MYO10: variants seen among roughly 807,000 people sequenced by gnomAD.
MYO10 encodes myosin X.
MYO10 carries 133 observed loss-of-function variants against 257.3 expected under a neutral mutation model. The ratio of observed to expected loss-of-function variants is 0.52; its 90% CI spans 0.45 to 0.60. MYO10 has a LOEUF of 0.60. Ranked by LOEUF, MYO10 falls within the 20% of genes least tolerant of loss-of-function variation. The pLI is 0.00. For synonymous variants in MYO10, 1,104 were observed against 1,028.6 expected (o/e 1.07, Z -1.40); for missense variants, 2,399 against 2,635.7 (o/e 0.91, Z 1.97).
chr5:16,683,692 A>T (rs1262209080), intron 30 of MYO10, among the ~76,000 whole-genome samples, 188 bp downstream of exon 30: 4 of 152,222 alleles, frequency 2.6e-5, no homozygotes, highest in Non-Finnish European at 5.9e-5. Context: ...CCAGAGAAGG[A>T]GACTTCCAGG....
intron 2 of MYO10, among the ~76,000 whole-genome samples, chr5:16,825,870 C>A (rs914033641): frequency 7.2e-5 from 11 of 152,036 alleles, no homozygotes. Flanking sequence ...CCAGGCCGGG[C>A]ACGGTGGCTC....
intron 21 of MYO10, 181 bp downstream of exon 21, chr5:16,710,727 C>T: frequency 1.7e-6 from 1 of 600,284 alleles, no homozygotes; most frequent in South Asian, 2.1e-5. Context: ...TCAAGGACTT[C>T]ACTTCAAATA....
At chr5:16,685,889 T>C (rs1156698651) in intron 28 of MYO10, 58 bp from the exon 29 acceptor site, 5 of 1,343,612 alleles carry the variant, frequency 3.7e-6, no homozygotes, top group Admixed American at 2.0e-5. Flanking sequence ...GGCAAAGCAA[T>C]AGTGCCCTAC....
chr5:16,796,494 A>G (rs1273569589), intron 3 of MYO10, among the ~76,000 whole-genome samples: 3 of 151,776 alleles, frequency 2.0e-5, no homozygotes, highest in Non-Finnish European at 1.5e-5. Flanking sequence ...AAAGAAAGAA[A>G]GAAGGAAAAT....
intron 29 of MYO10, among the ~76,000 whole-genome samples, chr5:16,684,802 T>G (rs1737168573): frequency 6.6e-6 from 1 of 152,158 alleles, no homozygotes; most frequent in Non-Finnish European, 1.5e-5. Flanking sequence ...GTATCACCAC[T>G]TTGGGAGGCT....
chr5:16,705,738 A>C (rs1678322835), intron 21 of MYO10, among the ~76,000 whole-genome samples: 1 of 151,738 alleles, frequency 6.6e-6, no homozygotes, highest in South Asian at 2.1e-4. Flanking sequence ...ATTTGGGCAA[A>C]AAAGCAAATA....
chr5:16,740,880 G>C (rs1276305566), intron 19 of MYO10, among the ~76,000 whole-genome samples: 2 of 148,248 alleles, frequency 1.3e-5, no homozygotes, highest in Non-Finnish European at 1.5e-5. Flanking sequence ...CTCTAAAATT[G>C]ATGGCAAAAA....
chr5:16,809,723 T>C lies in MYO10; in HGVS notation c.279+8286A>G, dbSNP rs546022138. On this transcript the variant is annotated intron_variant, in intron 3 of 40. Transcript: ENST00000513610. The stretch of plus-strand genomic sequence containing the variant: ...ATTAGCTGTGAAGCATAGTTCGTGC[T>C]TACTGAAGCATTTATCTTTAGAAAC... 2.0e-5 allele frequency among the ~76,000 whole-genome samples: 3 copies of C among 152,370 alleles called. No homozygotes were observed. In the South Asian group the frequency reaches 6.2e-4, roughly 32 times the overall value.
chr5:16,815,669 C>T (rs1304130883), intron 3 of MYO10, among the ~76,000 whole-genome samples: 2 of 152,182 alleles, frequency 1.3e-5, no homozygotes, highest in African/African-American at 2.4e-5. Context: ...AATAGTTACA[C>T]GACAGTGTCA....
rs532895821 is a variant in MYO10, at chr5:16,832,628, A to T, written c.121-14461T>A. 6.6e-5 allele frequency among the ~76,000 whole-genome samples: 10 copies of T among 152,176 alleles called. No homozygotes were observed. In the East Asian group the frequency reaches 1.9e-3, roughly 29 times the overall value. On this transcript the variant is annotated intron_variant, in intron 2 of 40. Transcript: ENST00000513610. ...CACCTCTGAGGGCCCTTTACTCCTG[A>T]CCTCATGTCCCGGTCTTAATTTTAG...
chr5:16,823,467 G>GGGGGGGGGTT (rs1561003861), intron 2 of MYO10, among the ~76,000 whole-genome samples: 2 of 3,978 alleles, frequency 5.0e-4, no homozygotes, highest in African/African-American at 9.8e-4. Flanking sequence ...GGGGAGTGGG[G>GGGGGGGGGTT]ATTTTTTTTT....
At chr5:16,756,200 G>A (rs941477859) in intron 18 of MYO10, among the ~76,000 whole-genome samples, 1 of 152,120 alleles carries the variant, frequency 6.6e-6, no homozygotes, top group Non-Finnish European at 1.5e-5. Context: ...AGCCTCCTGA[G>A]TAGCTGGGAA....
chr5:16,719,043 C>T (rs1474852231), intron 19 of MYO10, among the ~76,000 whole-genome samples: 6 of 152,162 alleles, frequency 3.9e-5, no homozygotes, highest in Non-Finnish European at 8.8e-5. Flanking sequence ...CCCTTCCACA[C>T]TGTGGAAGCT....
chr5:16,743,347 G>T (rs1005048908), intron 19 of MYO10, among the ~76,000 whole-genome samples: 2 of 151,946 alleles, frequency 1.3e-5, no homozygotes, highest in African/African-American at 2.4e-5. Context: ...GTGAGCAACA[G>T]AAACTTCATT....
In MYO10 at chr5:16,764,146, C is replaced by CA. The variant is rs67792126; in HGVS notation, c.1326+103dup. On this transcript the variant is annotated intron_variant, in intron 12 of 40. Transcript: ENST00000513610. ...TGGGATACAGAGTGAGACTCCTTCTCAAAAAAAAAAAGAAAAAAAAAGAGT... is the reference window on the plus strand; with the variant it reads ...TGGGATACAGAGTGAGACTCCTTCTCAAAAAAAAAAAAGAAAAAAAAAGAGT... 6,226 of 977,668 alleles carry CA rather than the reference C, an allele frequency of 6.4e-3. 14 individuals carry two copies. Among genetic ancestry groups the CA allele is most frequent in the Non-Finnish European group, 7.2e-3 (4,970 of 687,692 alleles). The allele number at this position is 977,668 out of a possible 1,614,324, so 60.6% of individuals were successfully genotyped here. A position where few individuals can be genotyped will look rare whatever the true frequency, so the allele number is the denominator to read the frequency against.
Position 16,849,198 on chromosome 5 carries a change from A to G in MYO10, c.120+28411T>C, listed in dbSNP as rs556618554. ...AATAGCTTCAGTCTATAATCTGCAC[A>G]TAACATACATTTACTGATTTCTGCA... On this transcript the variant is annotated intron_variant, in intron 2 of 40. Coordinates refer to ENST00000513610, the MANE Select transcript of MYO10 (RefSeq NM_012334.3). Among the ~76,000 whole-genome samples, 10 of 152,342 alleles carry G rather than the reference A, an allele frequency of 6.6e-5. No individual in the cohort carries two copies. The South Asian group carries it at 2.1e-3, about 32-fold the overall frequency.
At chr5:16,673,254 C>G (rs1397017886) in intron 36 of MYO10, among the ~76,000 whole-genome samples, 9 of 151,648 alleles carry the variant, frequency 5.9e-5, no homozygotes. Context: ...ATTGGATTAC[C>G]ACCCTTTTGG....
In MYO10 at chr5:16,701,292, A is replaced by G. The variant is rs972976802; in HGVS notation, c.3103T>C (p.Tyr1035His). 3 of 1,613,774 alleles carry G rather than the reference A, an allele frequency of 1.9e-6. No individual in the cohort carries two copies. The highest frequency in any genetic ancestry group is 2.5e-6 in the Non-Finnish European group (3 of 1,179,822). ...TSDDSSEEDP[Y>H]MNDTVVPTSP... Reference sequence around the variant, plus strand: ...GTGGGCACCACCGTGTCGTTCATGTATGGGTCCTCCTCTGAAGAGTCATCG... The same window carrying G: ...GTGGGCACCACCGTGTCGTTCATGTGTGGGTCCTCCTCTGAAGAGTCATCG... The change falls in exon 25 of 41, where the codon TAC becomes CAC. Residue 1035 changes from tyrosine to histidine, a missense_variant. Physicochemically the swap from Tyr to His is moderately conservative, Grantham distance 83 (BLOSUM62 2). This residue lies in a region of MYO10 where 1,820 missense variants were observed against 1,939.4 expected (regional missense o/e 0.94). Coordinates refer to ENST00000513610, the MANE Select transcript of MYO10 (RefSeq NM_012334.3). The surrounding 1 kb of genome is among the most constrained non-coding windows in gnomAD (Gnocchi z 8.1).
At chr5:16,795,681 AT>A (rs1560989085) in intron 3 of MYO10, among the ~76,000 whole-genome samples, 1 of 151,740 alleles carries the variant, frequency 6.6e-6, no homozygotes, top group Non-Finnish European at 1.5e-5. Context: ...TTTATTTTTA[AT>A]TTTTTTTGTA....
Sources: gnomAD v4.1 joint callset for allele counts (sites outside exome capture counted in the v4.1 genomes callset) on GRCh38, gnomAD v4.1.1 for gene constraint, gnomAD v4.1.1 regional missense constraint, Gnocchi (gnomAD v3.1) non-coding constraint, MANE v1.5 for transcripts, NCBI Gene and HGNC (gene_info 2026-07-23, HGNC 2026-07-21) for gene names.